The following HS3ST4 variants were observed in gnomAD, a reference collection of about 807,000 sequenced individuals.
The protein encoded by HS3ST4 is heparan sulfate glucosamine 3-O-sulfotransferase 4.
HS3ST4 carries 17 observed loss-of-function variants against 29.2 expected under a neutral mutation model. That is an observed-to-expected ratio of 0.58 (90% confidence interval 0.40 to 0.87). HS3ST4 has a LOEUF of 0.87. HS3ST4 is among the 40% of genes least tolerant of loss of function. The pLI, the probability that HS3ST4 is intolerant of heterozygous loss-of-function variation, is 0.00. For missense variants in HS3ST4, 627 were observed against 634.5 expected (o/e 0.99, Z 0.13); for synonymous variants, 314 against 285.7 (o/e 1.10, Z -1.00).
intron 1 of HS3ST4, among the ~76,000 whole-genome samples, chr16:25,807,418 C>A (rs1967000385): frequency 2.0e-5 from 3 of 152,204 alleles, no homozygotes; most frequent in African/African-American, 4.8e-5. Context: ...AGATATGAAA[C>A]CTCTGGACTC....
chr16:25,831,771 A>G (rs886973581), intron 1 of HS3ST4, among the ~76,000 whole-genome samples: 3 of 152,046 alleles, frequency 2.0e-5, no homozygotes, highest in African/African-American at 7.2e-5. Flanking sequence ...TGAGTGCACA[A>G]ATACATGAGT....
chr16:25,789,820 A>G (rs1292713390), intron 1 of HS3ST4, among the ~76,000 whole-genome samples: 2 of 152,150 alleles, frequency 1.3e-5, no homozygotes, highest in Non-Finnish European at 2.9e-5. Context: ...CTTCATATAT[A>G]TGGAATAGTA....
intron 1 of HS3ST4, among the ~76,000 whole-genome samples, chr16:25,788,711 A>AT (rs1050405700): frequency 6.3e-4 from 92 of 146,812 alleles, no homozygotes; most frequent in African/African-American, 1.8e-3. Context: ...GGGCTAAATA[A>AT]TTTTTTTTTT....
At chr16:25,729,083 GA>G (rs1212137540) in intron 1 of HS3ST4, among the ~76,000 whole-genome samples, 2 of 151,132 alleles carry the variant, frequency 1.3e-5, no homozygotes, top group Non-Finnish European at 1.5e-5. Context: ...ACCTTATCTT[GA>G]AAAAAAAGGA....
At chr16:25,997,988 C>T (rs1348321267) in intron 1 of HS3ST4, among the ~76,000 whole-genome samples, 1 of 152,152 alleles carries the variant, frequency 6.6e-6, no homozygotes, top group East Asian at 1.9e-4. Context: ...GTAATCCCAG[C>T]ATGTTGTGAT....
intron 1 of HS3ST4, among the ~76,000 whole-genome samples, chr16:26,051,516 G>C (rs935896874): frequency 2.0e-5 from 3 of 151,994 alleles, no homozygotes; most frequent in African/African-American, 7.2e-5. Context: ...ATTTACCCAG[G>C]GGGAAACTGA....
chr16:25,959,311 A>C (rs1405584447), intron 1 of HS3ST4, among the ~76,000 whole-genome samples: 1 of 152,222 alleles, frequency 6.6e-6, no homozygotes, highest in African/African-American at 2.4e-5. Context: ...TATGAGTCTA[A>C]TGTCAGAAAT....
chr16:25,717,747 A>G (rs1003676312), intron 1 of HS3ST4, among the ~76,000 whole-genome samples: 1 of 152,180 alleles, frequency 6.6e-6, no homozygotes, highest in Non-Finnish European at 1.5e-5. Flanking sequence ...GTTTTGTCCT[A>G]GGAAAGATGG....
chr16:25,722,370 G>A (rs770503344), intron 1 of HS3ST4, among the ~76,000 whole-genome samples: 8 of 152,160 alleles, frequency 5.3e-5, no homozygotes, highest in Admixed American at 1.3e-4. Context: ...ATGTTCTCAC[G>A]TATCATTTTA....
chr16:25,912,983 A>G (rs181945427), intron 1 of HS3ST4, among the ~76,000 whole-genome samples: 63 of 152,294 alleles, frequency 4.1e-4, no homozygotes, highest in Non-Finnish European at 7.9e-4. Context: ...CACAAACAAG[A>G]TGATTATTTG....
intron 1 of HS3ST4, among the ~76,000 whole-genome samples, chr16:25,769,018 G>A (rs1290169597): frequency 6.6e-6 from 1 of 152,160 alleles, no homozygotes; most frequent in Non-Finnish European, 1.5e-5. Context: ...GCATCATAAA[G>A]GCATTTGAGT....
chr16:25,926,044 T>TA (rs369200440), intron 1 of HS3ST4, among the ~76,000 whole-genome samples: 15 of 146,250 alleles, frequency 1.0e-4, no homozygotes, highest in African/African-American at 1.5e-4. Flanking sequence ...ATGGCACCGT[T>TA]AAAAAAAAAA....
chr16:25,897,302 A>T (rs1371117998), intron 1 of HS3ST4, among the ~76,000 whole-genome samples: 1 of 152,108 alleles, frequency 6.6e-6, no homozygotes, highest in African/African-American at 2.4e-5. Context: ...AAAAATACAC[A>T]GATTAGCCAG....
chr16:25,937,121 C>A (rs1055972010), intron 1 of HS3ST4, among the ~76,000 whole-genome samples: 2 of 151,794 alleles, frequency 1.3e-5, no homozygotes, highest in Non-Finnish European at 2.9e-5. Flanking sequence ...TCATACCTTT[C>A]TGGGACTTTT....
chr16:26,067,007 A>T (rs1307427129), intron 1 of HS3ST4, among the ~76,000 whole-genome samples: 1 of 152,184 alleles, frequency 6.6e-6, no homozygotes, highest in Non-Finnish European at 1.5e-5. Flanking sequence ...GAGGACTCCC[A>T]GGAGCTAGAT....
At chr16:25,703,951 C>A (rs1396013425) in intron 1 of HS3ST4, among the ~76,000 whole-genome samples, 1 of 152,188 alleles carries the variant, frequency 6.6e-6, no homozygotes, top group Non-Finnish European at 1.5e-5. Flanking sequence ...CTATTGCTCT[C>A]CAAAGTTATC....
chr16:25,793,148 T>C (rs1286509835), intron 1 of HS3ST4, among the ~76,000 whole-genome samples: 1 of 151,954 alleles, frequency 6.6e-6, no homozygotes, highest in Non-Finnish European at 1.5e-5. Flanking sequence ...TCTGAATAGT[T>C]TCAGCCCTTG....
chr16:26,131,607 G>A (rs1309788051), intron 1 of HS3ST4, among the ~76,000 whole-genome samples: 1 of 152,212 alleles, frequency 6.6e-6, no homozygotes, highest in African/African-American at 2.4e-5. Flanking sequence ...TGAAAGGTTG[G>A]AAGAGAATAA....
At position 26,030,295 on chromosome 16, in the gene HS3ST4, C is replaced by T. The variant is rs538167099; in HGVS notation, c.735-105317C>T. On this transcript the variant is annotated intron_variant, in intron 1 of 1. Coordinates refer to ENST00000331351, the MANE Select transcript of HS3ST4 (RefSeq NM_006040.3). ...TGGTGGTGCACACCTGTAGTCTCAG[C>T]TACTCTGGAGGCTGTTAGGAAGATC... Among the ~76,000 whole-genome samples, 11 of 152,286 alleles carry T rather than the reference C, an allele frequency of 7.2e-5. No individual in the cohort carries two copies. The South Asian group carries it at 1.7e-3, about 23-fold the overall frequency.
Sources: gnomAD v4.1 joint callset for allele counts (sites outside exome capture counted in the v4.1 genomes callset) on GRCh38, gnomAD v4.1.1 for gene constraint, MANE v1.5 for transcripts, NCBI Gene and HGNC (gene_info 2026-07-23, HGNC 2026-07-21) for gene names.